The following PLB1 variants were observed in gnomAD, a reference collection of about 807,000 sequenced individuals.
PLB1 encodes phospholipase B1, membrane-associated.
PLB1 carries 242 observed loss-of-function variants against 227.4 expected under a neutral mutation model. That is an observed-to-expected ratio of 1.06 (90% CI 0.96 to 1.18). PLB1 has a LOEUF of 1.18. PLB1 is among the 50% of genes most tolerant of loss of function. PLB1 has a pLI of 0.00. For missense variants in PLB1, 1,858 were observed against 1,816.3 expected, an observed-to-expected ratio of 1.02 and a Z score of -0.42; for synonymous variants, 757 against 682.2, an observed-to-expected ratio of 1.11 and a Z score of -1.71.
chr2:28,588,257 C>T (rs1681257583), intron 26 of PLB1, among the ~76,000 whole-genome samples: 1 of 152,160 alleles, frequency 6.6e-6, no homozygotes, highest in East Asian at 1.9e-4. Flanking sequence ...CCCGAGTAAC[C>T]AGTAGCGTTG....
chr2:28,549,106 C>T (rs1673778550), intron 15 of PLB1, among the ~76,000 whole-genome samples, 175 bp downstream of exon 15: 1 of 152,144 alleles, frequency 6.6e-6, no homozygotes, highest in Non-Finnish European at 1.5e-5. Context: ...AGTTGTGGGC[C>T]ATGAGAGCTG....
chr2:28,636,596 G>T (rs1419180724), intron 56 of PLB1, among the ~76,000 whole-genome samples: 7 of 152,110 alleles, frequency 4.6e-5, no homozygotes, highest in African/African-American at 1.7e-4. Flanking sequence ...ACTGACAGTA[G>T]GATGGGTGAG....
intron 17 of PLB1, among the ~76,000 whole-genome samples, chr2:28,562,439 G>A (rs1489144355): frequency 6.8e-6 from 1 of 147,702 alleles, no homozygotes; most frequent in Non-Finnish European, 1.5e-5. Flanking sequence ...CTACTCAGGA[G>A]GCTGAGGCAG....
At chr2:28,601,413 C>T (rs1256971384) in intron 37 of PLB1, 81 bp downstream of exon 37, 1 of 1,165,342 alleles carries the variant, frequency 8.6e-7, no homozygotes, top group Admixed American at 1.9e-5. Context: ...GAGAACAGTT[C>T]CTAAAACCAA....
rs534363204 is a variant in PLB1, at chr2:28,514,636, G to C, written c.56-2172G>C. On this transcript the variant is annotated intron_variant, in intron 1 of 57. Transcript: ENST00000327757. ...GCAGCAGAGTTGAGTAGTTTCAATA[G>C]AGACCATATGGTGAGTAAAATCTAA... Among the ~76,000 whole-genome samples, 69 of 152,286 alleles carry C rather than the reference G, an allele frequency of 4.5e-4. No homozygotes were observed. In the Middle Eastern group the frequency reaches 0.01, roughly 23 times the overall value.
intron 35 of PLB1, 63 bp downstream of exon 35, chr2:28,598,823 T>A: frequency 7.2e-7 from 1 of 1,393,832 alleles, no homozygotes; most frequent in Non-Finnish European, 1.0e-6. Context: ...TAGTACCCTT[T>A]AAGACCATGG....
At chr2:28,581,522 T>A (rs1488960915) in intron 23 of PLB1, among the ~76,000 whole-genome samples, 2 of 142,042 alleles carry the variant, frequency 1.4e-5, no homozygotes, top group African/African-American at 2.7e-5. Context: ...AATAAATAAA[T>A]AAATAAATAA....
chr2:28,602,970 G>A, intron 39 of PLB1, 49 bp downstream of exon 39: 8 of 1,520,066 alleles, frequency 5.3e-6, no homozygotes, highest in Non-Finnish European at 7.3e-6. Context: ...TCACCTCCTG[G>A]TCTGGCCCAC....
chr2:28,558,769 A>G (rs1029127708), intron 17 of PLB1, among the ~76,000 whole-genome samples: 1 of 152,138 alleles, frequency 6.6e-6, no homozygotes, highest in African/African-American at 2.4e-5. Flanking sequence ...AGAACACTGA[A>G]GAAGGATAGT....
chr2:28,627,600 A>C, intron 51 of PLB1, among the ~76,000 whole-genome samples: 1 of 152,182 alleles, frequency 6.6e-6, no homozygotes, highest in Non-Finnish European at 1.5e-5. Context: ...TGGATTGTCT[A>C]TCTTGTTCCT....
chr2:28,566,923 C>T (rs1189575823), intron 20 of PLB1, 84 bp downstream of exon 20: 1 of 1,509,572 alleles, frequency 6.6e-7, no homozygotes, highest in Non-Finnish European at 9.2e-7. Context: ...GCGCGGGCCT[C>T]GGGAGGAGCC....
chr2:28,559,910 C>A (rs953850396), intron 17 of PLB1, among the ~76,000 whole-genome samples: 6 of 152,028 alleles, frequency 3.9e-5, no homozygotes, highest in Non-Finnish European at 8.8e-5. Flanking sequence ...CACCTCCATG[C>A]CTGGCTAATT....
intron 18 of PLB1, among the ~76,000 whole-genome samples, chr2:28,563,394 C>G: frequency 6.6e-6 from 1 of 152,098 alleles, no homozygotes; most frequent in East Asian, 1.9e-4. Context: ...GAGTGACCCA[C>G]CCCAAGTCAC....
At chr2:28,620,821 C>T in intron 48 of PLB1, 58 bp from the exon 49 acceptor site, 1 of 1,449,894 alleles carries the variant, frequency 6.9e-7, no homozygotes, top group Non-Finnish European at 9.7e-7. Context: ...ATCTCAGTTA[C>T]TGTGAGGGTC....
intron 17 of PLB1, among the ~76,000 whole-genome samples, chr2:28,554,331 AG>A (rs1175989503): frequency 1.6e-3 from 236 of 150,490 alleles, no homozygotes; most frequent in African/African-American, 5.4e-3. Context: ...AGAGAGAGAG[AG>A]AAATTTTTTT....
intron 38 of PLB1, 47 bp from the exon 39 acceptor site, chr2:28,602,774 G>A: frequency 6.4e-7 from 1 of 1,555,910 alleles, no homozygotes; most frequent in Non-Finnish European, 8.9e-7. Context: ...GACAGCCCCA[G>A]GAAGAAGTGC....
At chr2:28,578,273 G>A (rs1679336135) in intron 22 of PLB1, 115 bp downstream of exon 22, 1 of 944,186 alleles carries the variant, frequency 1.1e-6, no homozygotes, top group Admixed American at 2.1e-5. Flanking sequence ...CACATCTGAA[G>A]CCTAAAACAC....
intron 9 of PLB1, among the ~76,000 whole-genome samples, chr2:28,537,095 C>T (rs1394968718): frequency 3.9e-5 from 6 of 152,168 alleles, no homozygotes; most frequent in Admixed American, 1.3e-4. Context: ...AGACAGAAGG[C>T]TTTACGGTAA....
intron 1 of PLB1, among the ~76,000 whole-genome samples, chr2:28,505,119 C>T (rs954336135): frequency 3.9e-5 from 6 of 152,130 alleles, no homozygotes; most frequent in East Asian, 1.9e-4. Context: ...TAACAGCCTT[C>T]CTTTAAGATG....
Sources: gnomAD v4.1 joint callset for allele counts (sites outside exome capture counted in the v4.1 genomes callset) on GRCh38, gnomAD v4.1.1 for gene constraint, MANE v1.5 for transcripts, NCBI Gene and HGNC (gene_info 2026-07-23, HGNC 2026-07-21) for gene names.